PKD1L3: variants seen among roughly 807,000 people sequenced by gnomAD.
PKD1L3 encodes polycystin 1 like 3, transient receptor potential channel interacting.
Under a neutral mutation model 184.1 loss-of-function variants are expected in PKD1L3, and 239 were observed. That is an observed-to-expected ratio of 1.30 (90% CI 1.17 to 1.45). The LOEUF (loss-of-function observed/expected upper bound fraction) is 1.45, where lower values mean the gene tolerates loss of function less well. PKD1L3 is among the 40% of genes most tolerant of loss of function. The pLI is 0.00. For missense variants in PKD1L3, 2,660 were observed against 2,067.2 expected (o/e 1.29, Z -5.56); for synonymous variants, 996 against 778.8 (o/e 1.28, Z -4.64).
At chr16:71,962,541 T>G (rs2039321443) in intron 16 of PKD1L3, among the ~76,000 whole-genome samples, 1 of 152,112 alleles carries the variant, frequency 6.6e-6, no homozygotes, top group Admixed American at 6.6e-5. Flanking sequence ...CAGGCTGGAG[T>G]GCAGTGGCAA....
At chr16:71,987,139 G>A (rs1282371100) in intron 4 of PKD1L3, among the ~76,000 whole-genome samples, 1 of 151,430 alleles carries the variant, frequency 6.6e-6, no homozygotes, top group Non-Finnish European at 1.5e-5. Flanking sequence ...TGGCCAGGAT[G>A]GTCTCGATCT....
intron 16 of PKD1L3, among the ~76,000 whole-genome samples, chr16:71,960,338 G>C (rs28654218): frequency 6.6e-6 from 1 of 152,072 alleles, no homozygotes; most frequent in African/African-American, 2.4e-5. Flanking sequence ...TGTATTAAAA[G>C]AGATTATTAG....
At chr16:71,996,789 G>A (rs72787021) in intron 2 of PKD1L3, among the ~76,000 whole-genome samples, 1 of 151,876 alleles carries the variant, frequency 6.6e-6, no homozygotes, top group Non-Finnish European at 1.5e-5. Flanking sequence ...TACTGAATTG[G>A]ACTCCATGGA....
chr16:71,971,613 A>ACTGGTCTGT (rs1453777335), intron 12 of PKD1L3, among the ~76,000 whole-genome samples: 1 of 152,210 alleles, frequency 6.6e-6, no homozygotes, highest in East Asian at 1.9e-4. Context: ...AAAGCTCTCA[A>ACTGGTCTGT]GCTTCTCTAC....
chr16:71,963,762 G>A (rs1239043682), intron 15 of PKD1L3, among the ~76,000 whole-genome samples: 3 of 151,478 alleles, frequency 2.0e-5, no homozygotes, highest in African/African-American at 2.4e-5. Context: ...TAGCTTGGGT[G>A]ACAGAATGAG....
intron 16 of PKD1L3, among the ~76,000 whole-genome samples, chr16:71,958,027 G>A (rs1443586323): frequency 1.3e-5 from 2 of 152,138 alleles, no homozygotes; most frequent in East Asian, 1.9e-4. Flanking sequence ...AATCTTCAAA[G>A]TGTTAAGGGA....
chr16:71,949,198 T>A (rs887972450), intron 21 of PKD1L3, among the ~76,000 whole-genome samples: 7 of 152,094 alleles, frequency 4.6e-5, no homozygotes, highest in Non-Finnish European at 4.4e-5. Context: ...CATTTTAAGT[T>A]TTTTGTTGTT....
Position 71,994,420 on chromosome 16 carries a change from A to G in PKD1L3, c.419-1088T>C, listed in dbSNP as rs148443981. Among the ~76,000 whole-genome samples, 434 of 152,288 alleles carry G rather than the reference A, an allele frequency of 2.8e-3. 3 individuals carry two copies. The highest frequency in any genetic ancestry group is 1.0e-2 in the African/African-American group (414 of 41,548). On this transcript the variant is annotated intron_variant, in intron 2 of 29. Transcript: ENST00000620267. Reference sequence around the variant, plus strand: ...CCATCAAATCTAGCTGTCTACCAGCACCTGTACCTGTAGCGAGACAATGCC... The same window carrying G: ...CCATCAAATCTAGCTGTCTACCAGCGCCTGTACCTGTAGCGAGACAATGCC...
chr16:71,997,641 G>C, intron 2 of PKD1L3, among the ~76,000 whole-genome samples: 1 of 152,068 alleles, frequency 6.6e-6, no homozygotes, highest in Non-Finnish European at 1.5e-5. Context: ...CCAGCTACTA[G>C]GGAGGCTGAG....
At chr16:71,973,079 T>C (rs2039779293) in intron 12 of PKD1L3, among the ~76,000 whole-genome samples, 1 of 152,220 alleles carries the variant, frequency 6.6e-6, no homozygotes, top group Non-Finnish European at 1.5e-5. Context: ...ACTTGTCAGA[T>C]CCACCCTGGA....
At chr16:71,934,914 G>C (rs571260997) in intron 26 of PKD1L3, among the ~76,000 whole-genome samples, 115 of 152,322 alleles carry the variant, frequency 7.5e-4, no homozygotes, top group African/African-American at 2.7e-3. Flanking sequence ...CAGAGAAGGT[G>C]CCCAAAGAGG....
intron 22 of PKD1L3, among the ~76,000 whole-genome samples, chr16:71,945,838 G>A (rs1415771824): frequency 6.6e-6 from 1 of 152,150 alleles, no homozygotes; most frequent in African/African-American, 2.4e-5. Context: ...CATTTGTTTT[G>A]AAGGATGAAT....
intron 16 of PKD1L3, among the ~76,000 whole-genome samples, chr16:71,954,820 G>C (rs1037006380): frequency 1.1e-4 from 16 of 152,210 alleles, no homozygotes; most frequent in Admixed American, 7.9e-4. Context: ...TGAGGTAGAA[G>C]CCACAGGATT....
intron 6 of PKD1L3, among the ~76,000 whole-genome samples, chr16:71,983,088 A>T (rs1347322318): frequency 6.6e-6 from 1 of 152,172 alleles, no homozygotes; most frequent in Non-Finnish European, 1.5e-5. Flanking sequence ...GAGTAGACCA[A>T]ATATCCAATT....
chr16:71,968,784 C>T (rs2039597090), intron 13 of PKD1L3, among the ~76,000 whole-genome samples: 2 of 152,000 alleles, frequency 1.3e-5, no homozygotes. Flanking sequence ...TTAGTAGAGA[C>T]AGGGTTTCAC....
Position 72,000,377 on chromosome 16 carries a change from A to C in PKD1L3, c.-399T>G, listed in dbSNP as rs142174680. Among the ~76,000 whole-genome samples the C allele has an allele frequency of 6.6e-6, 1 of 152,252 alleles. No individual in the cohort carries two copies. Among genetic ancestry groups the C allele is most frequent in the East Asian group, 1.9e-4 (1 of 5,180 alleles). On this transcript the variant is annotated 5_prime_UTR_variant, in exon 1 of 30. Transcript: ENST00000620267. ...GAGGCAGGGTCTCATTCTGTTGGTCAGGCTGGAGTGCAGTGGCATGATCTC... is the reference window on the plus strand; with the variant it reads ...GAGGCAGGGTCTCATTCTGTTGGTCCGGCTGGAGTGCAGTGGCATGATCTC...
chr16:71,939,597 T>C (rs1232275530), intron 24 of PKD1L3, among the ~76,000 whole-genome samples: 1 of 152,186 alleles, frequency 6.6e-6, no homozygotes, highest in Non-Finnish European at 1.5e-5. Context: ...ATTTTGTTAG[T>C]AACTAAAAAC....
At chr16:71,935,302 C>G in intron 26 of PKD1L3, 56 bp downstream of exon 26, 1 of 1,486,264 alleles carries the variant, frequency 6.7e-7, no homozygotes, top group Non-Finnish European at 9.1e-7. Flanking sequence ...TGTGTATAAA[C>G]AGGAAACTTT....
intron 3 of PKD1L3, among the ~76,000 whole-genome samples, chr16:71,990,626 C>T (rs376869117): frequency 2.6e-5 from 4 of 151,656 alleles, no homozygotes; most frequent in East Asian, 3.9e-4. Flanking sequence ...CCCAGCTACT[C>T]GGGAGGCTGA....
Sources: allele counts gnomAD v4.1 joint callset (sites outside exome capture counted in the v4.1 genomes callset), GRCh38; gene constraint gnomAD v4.1.1; transcripts MANE v1.5; gene names NCBI Gene and HGNC (gene_info 2026-07-23, HGNC 2026-07-21).